Variants in TMEM178B observed in about 807,000 individuals in gnomAD.
The protein encoded by TMEM178B is transmembrane protein 178B.
Under a neutral mutation model 31.0 loss-of-function variants are expected in TMEM178B, and 5 were observed. The observed-to-expected ratio is 0.16, with a 90% CI of 0.08 to 0.34. The LOEUF (loss-of-function observed/expected upper bound fraction) is 0.34, where lower values mean the gene tolerates loss of function less well. Among genes scored for constraint, TMEM178B ranks in the 10% least tolerant of loss-of-function variants. The pLI is 1.00. For synonymous variants in TMEM178B, 164 were observed against 164.0 expected (o/e 1.00, Z 0.00); for missense variants, 275 against 400.3 (o/e 0.69, Z 2.67).
intron 2 of TMEM178B, among the ~76,000 whole-genome samples, chr7:141,342,638 C>T (rs537831314): frequency 6.6e-6 from 1 of 152,188 alleles, no homozygotes; most frequent in Non-Finnish European, 1.5e-5. Flanking sequence ...TAAATTTTAG[C>T]AAATTCTCCT....
At position 141,466,099 on chromosome 7, in the gene TMEM178B, C is replaced by G. The variant is rs138523908; in HGVS notation, c.635-4437C>G. Among the ~76,000 whole-genome samples the G allele has an allele frequency of 2.0e-3, 308 of 152,288 alleles. 2 individuals carry two copies. The highest frequency in any genetic ancestry group is 7.0e-3 in the African/African-American group (293 of 41,566). On this transcript the variant is annotated intron_variant, in intron 3 of 3. Transcript: ENST00000565468. Reference sequence around the variant, plus strand: ...TAGCATATATGGAAATTAATCAAACCTCTTCCAACTCTTCCCTCTTTGACA... The same window carrying G: ...TAGCATATATGGAAATTAATCAAACGTCTTCCAACTCTTCCCTCTTTGACA...
In TMEM178B at chr7:141,385,205, A is replaced by G. The variant is rs367862037; in HGVS notation, c.497-52403A>G. Among the ~76,000 whole-genome samples the G allele has an allele frequency of 5.1e-4, 77 of 152,272 alleles. 2 individuals are homozygous for G. The East Asian group carries it at 9.1e-3, about 18-fold the overall frequency. On this transcript the variant is annotated intron_variant, in intron 2 of 3. Coordinates refer to ENST00000565468, the MANE Select transcript of TMEM178B (RefSeq NM_001195278.2). ...GATAAATCTGATGACACTGTTCCTG[A>G]TGTTTCATGGTCCTTAATTATGGCA...
chr7:141,188,559 G>T (rs1419030586), intron 1 of TMEM178B, among the ~76,000 whole-genome samples: 1 of 152,254 alleles, frequency 6.6e-6, no homozygotes, highest in Non-Finnish European at 1.5e-5. Flanking sequence ...GACAGATCTA[G>T]CTTCCTGACT....
At chr7:141,304,763 T>G (rs915474972) in intron 2 of TMEM178B, among the ~76,000 whole-genome samples, 1 of 152,210 alleles carries the variant, frequency 6.6e-6, no homozygotes, top group African/African-American at 2.4e-5. Context: ...TGTGGCACAA[T>G]TCTCTAGCCA....
At chr7:141,396,851 C>T (rs1306623159) in intron 2 of TMEM178B, among the ~76,000 whole-genome samples, 3 of 152,108 alleles carry the variant, frequency 2.0e-5, no homozygotes, top group Non-Finnish European at 2.9e-5. Context: ...CTTCAACAGT[C>T]GCTGAGGGTT....
intron 3 of TMEM178B, among the ~76,000 whole-genome samples, chr7:141,458,568 G>GGGGT (rs1802006760): frequency 6.6e-6 from 1 of 152,132 alleles, no homozygotes; most frequent in Non-Finnish European, 1.5e-5. Flanking sequence ...TTACAAACCT[G>GGGGT]GGGTGGGATT....
In TMEM178B at chr7:141,380,998, G is replaced by A. The variant is rs537658127; in HGVS notation, c.497-56610G>A. Among the ~76,000 whole-genome samples the A allele has an allele frequency of 3.9e-5, 6 of 152,208 alleles. No homozygotes were observed. In the South Asian group the frequency reaches 6.2e-4, roughly 16 times the overall value. On this transcript the variant is annotated intron_variant, in intron 2 of 3. Transcript: ENST00000565468. ...ATAACAGATCCATCACTGTCTCCCC[G>A]TACCCACCCCATAACCACAACACAA...
Position 141,187,005 on chromosome 7 carries a change from T to C in TMEM178B, c.383-25586T>C, listed in dbSNP as rs192097377. ...GTGCACAACGTGCAGGTTTGTTACA[T>C]ATGTATACATGTGCCATGTTGGTGT... On this transcript the variant is annotated intron_variant, in intron 1 of 3. Transcript: ENST00000565468. 5.7e-3 allele frequency among the ~76,000 whole-genome samples: 868 copies of C among 152,052 alleles called. 13 individuals are homozygous for C. The highest frequency in any genetic ancestry group is 0.02 in the African/African-American group (834 of 41,510).
chr7:141,108,954 T>A lies in TMEM178B; in HGVS notation c.382+34262T>A, dbSNP rs200676963. The stretch of plus-strand genomic sequence containing the variant: ...AATCATGGTGGGAGGTGAAAGGCAC[T>A]TCTTACATGGTGGCGGCAAGAGAGA... On this transcript the variant is annotated intron_variant, in intron 1 of 3. Transcript: ENST00000565468. Among the ~76,000 whole-genome samples, 252 of 152,254 alleles carry A rather than the reference T, an allele frequency of 1.7e-3. 1 individual carries two copies. The highest frequency in any genetic ancestry group is 7.5e-3 in the South Asian group (36 of 4,822).
intron 2 of TMEM178B, among the ~76,000 whole-genome samples, chr7:141,365,781 A>G (rs537135104): frequency 1.2e-4 from 19 of 152,322 alleles, no homozygotes; most frequent in Non-Finnish European, 2.1e-4. Flanking sequence ...GGGCCTACAC[A>G]ACTCTAGTAT....
chr7:141,266,350 C>A (rs952462777), intron 2 of TMEM178B, among the ~76,000 whole-genome samples: 15 of 152,270 alleles, frequency 9.9e-5, no homozygotes, highest in African/African-American at 3.6e-4. Flanking sequence ...CCCAGTGACC[C>A]TGGAATGTTG....
chr7:141,480,697 A>G (rs1802460859), downstream of TMEM178B, among the ~76,000 whole-genome samples: 1 of 152,306 alleles, frequency 6.6e-6, no homozygotes, highest in East Asian at 1.9e-4. Flanking sequence ...ACTTTATGAG[A>G]TGCTGGAATG....
chr7:141,284,747 G>C (rs1440453119), intron 2 of TMEM178B, among the ~76,000 whole-genome samples: 1 of 152,132 alleles, frequency 6.6e-6, no homozygotes, highest in African/African-American at 2.4e-5. Context: ...CAACACTACT[G>C]TCTGTTCAAA....
chr7:141,095,034 C>G (rs892419136), intron 1 of TMEM178B, among the ~76,000 whole-genome samples: 3 of 152,178 alleles, frequency 2.0e-5, no homozygotes, highest in African/African-American at 7.2e-5. Flanking sequence ...ACAAAACCTT[C>G]CTTTCTTGGA....
In TMEM178B at chr7:141,476,373, T is replaced by C. The variant is rs1802364696; in HGVS notation, c.*5587T>C. ...GAGGTGACAGAATGAGTAAACCATA[T>C]GGGGCAAATAGCATATATGAGCTAA... On this transcript the variant is annotated 3_prime_UTR_variant, in exon 4 of 4. Transcript: ENST00000565468. 1.3e-5 allele frequency: 2 copies of C among 152,128 alleles called. No homozygotes were observed. The highest frequency in any genetic ancestry group is 6.6e-5 in the Admixed American group (1 of 15,260). The allele number at this position is 152,128 out of a possible 1,614,324, so 9.4% of individuals were successfully genotyped here.
Position 141,134,308 on chromosome 7 carries a change from A to G in TMEM178B, c.382+59616A>G, listed in dbSNP as rs143792070. On this transcript the variant is annotated intron_variant, in intron 1 of 3. Coordinates refer to ENST00000565468, the MANE Select transcript of TMEM178B (RefSeq NM_001195278.2). ...AACAATGTGCAGAAAGGGGGGAAAA[A>G]AAAGAAAAGCCATCAGCTAAGAATA... Among the ~76,000 whole-genome samples the G allele has an allele frequency of 4.6e-3, 700 of 152,286 alleles. 7 individuals are homozygous for G. Among genetic ancestry groups the G allele is most frequent in the African/African-American group, 0.016 (667 of 41,568 alleles).
intron 2 of TMEM178B, among the ~76,000 whole-genome samples, chr7:141,232,816 C>G (rs1309697665): frequency 6.6e-6 from 1 of 152,136 alleles, no homozygotes. Flanking sequence ...CCATTAGGAG[C>G]CCTGAGCCCC....
intron 1 of TMEM178B, among the ~76,000 whole-genome samples, chr7:141,189,312 A>T (rs1796659695): frequency 6.6e-6 from 1 of 152,380 alleles, no homozygotes; most frequent in Non-Finnish European, 1.5e-5. Context: ...CTGCAGGGGC[A>T]CCCAGAGTAG....
intron 2 of TMEM178B, among the ~76,000 whole-genome samples, chr7:141,393,632 A>C (rs537950091): frequency 2.0e-5 from 3 of 152,330 alleles, no homozygotes; most frequent in African/African-American, 7.2e-5. Flanking sequence ...AAAGAGAAAG[A>C]GAAAGGTCCA....
Sources: gnomAD v4.1 joint callset for allele counts (sites outside exome capture counted in the v4.1 genomes callset) on GRCh38, gnomAD v4.1.1 for gene constraint, MANE v1.5 for transcripts, NCBI Gene and HGNC (gene_info 2026-07-23, HGNC 2026-07-21) for gene names.